The following GPHN variants were observed in gnomAD, a reference collection of about 807,000 sequenced individuals.
The protein encoded by GPHN is gephyrin.
Under a neutral mutation model 95.5 loss-of-function variants are expected in GPHN, and 17 were observed. The ratio of observed to expected loss-of-function variants is 0.18; its 90% confidence interval spans 0.12 to 0.27. The LOEUF is 0.27. GPHN is among the 10% of genes least tolerant of loss of function. The probability of loss-of-function intolerance (pLI) is 1.00; values close to 1 mark genes in which losing one functional copy is unlikely to be tolerated. For synonymous variants in GPHN, 320 were observed against 322.5 expected, an observed-to-expected ratio of 0.99 and a Z score of 0.08; for missense variants, 660 against 978.1, an observed-to-expected ratio of 0.67 and a Z score of 4.34.
chr14:66,935,447 A>ATG (rs1009304881), intron 8 of GPHN, among the ~76,000 whole-genome samples: 12 of 150,378 alleles, frequency 8.0e-5, no homozygotes, highest in South Asian at 2.1e-4. Flanking sequence ...TTATATATAT[A>ATG]TGTGTGTGTG....
chr14:66,911,051 A>G (rs2065651309), intron 5 of GPHN, among the ~76,000 whole-genome samples: 1 of 152,088 alleles, frequency 6.6e-6, no homozygotes, highest in Non-Finnish European at 1.5e-5. Context: ...AGCATGCTAA[A>G]ATGAAAATAT....
At chr14:67,022,515 A>AT (rs2073681865) in intron 9 of GPHN, among the ~76,000 whole-genome samples, 1 of 148,232 alleles carries the variant, frequency 6.7e-6, no homozygotes, top group Non-Finnish European at 1.5e-5. Flanking sequence ...CCAAAAGAGA[A>AT]TAACTAACAT....
the GPHN span, among the ~76,000 whole-genome samples, chr14:67,667,260 A>G: frequency 6.6e-6 from 1 of 152,220 alleles, no homozygotes; most frequent in South Asian, 2.1e-4. Flanking sequence ...AAGAATGCCT[A>G]ATCTTGGCCC....
chr14:67,501,699 C>A, the GPHN span, among the ~76,000 whole-genome samples: 1 of 152,200 alleles, frequency 6.6e-6, no homozygotes, highest in Non-Finnish European at 1.5e-5. Context: ...CCAAAGGCAT[C>A]TCTGTTGAGG....
At chr14:66,629,610 G>T (rs920842087) in intron 1 of GPHN, among the ~76,000 whole-genome samples, 7 of 152,050 alleles carry the variant, frequency 4.6e-5, no homozygotes, top group African/African-American at 1.7e-4. Flanking sequence ...ATTATCAAGT[G>T]TTATGTAGTG....
the GPHN span, among the ~76,000 whole-genome samples, chr14:67,442,455 G>A: frequency 4.5e-4 from 69 of 152,212 alleles, no homozygotes; most frequent in African/African-American, 1.5e-3. Context: ...TCTACCTAGC[G>A]GTCCAGAAGG....
intron 2 of GPHN, among the ~76,000 whole-genome samples, chr14:66,722,925 A>G (rs1179341259): frequency 6.6e-6 from 1 of 152,174 alleles, no homozygotes; most frequent in Non-Finnish European, 1.5e-5. Flanking sequence ...TGGCACAACC[A>G]GTCATTCTTA....
At chr14:67,294,983 T>C in the GPHN span, 1 of 152,112 alleles carries the variant, frequency 6.6e-6, no homozygotes, top group South Asian at 2.1e-4. Flanking sequence ...TAGGATATTA[T>C]AGTGCTTTTA....
rs1200800445 is a variant in GPHN at position 66,965,333 on chromosome 14, T to C, written c.963+8T>C. 1 of 1,612,820 alleles carries C rather than the reference T, an allele frequency of 6.2e-7. No individual in the cohort carries two copies. Among genetic ancestry groups the C allele is most frequent in the South Asian group, 1.1e-5 (1 of 91,056 alleles). On this transcript the variant is annotated splice_region_variant and intron_variant, in intron 9 of 22. Transcript: ENST00000478722. Reference sequence around the variant, plus strand: ...TCCTGCCCAACACCAAAAGTAAGTATGGTTCCTTCGCATCTTACACCTGCT... The same window carrying C: ...TCCTGCCCAACACCAAAAGTAAGTACGGTTCCTTCGCATCTTACACCTGCT...
the GPHN span, among the ~76,000 whole-genome samples, chr14:67,696,875 A>G: frequency 6.6e-6 from 1 of 152,204 alleles, no homozygotes; most frequent in Non-Finnish European, 1.5e-5. Context: ...ACGGGTTCCA[A>G]TGAACTAATA....
At chr14:67,568,327 A>C in the GPHN span, among the ~76,000 whole-genome samples, 1 of 151,310 alleles carries the variant, frequency 6.6e-6, no homozygotes, top group African/African-American at 2.4e-5. Context: ...CATTATCTTC[A>C]GCAAACTAAC....
At chr14:67,321,502 C>T in the GPHN span, among the ~76,000 whole-genome samples, 21 of 152,034 alleles carry the variant, frequency 1.4e-4, no homozygotes, top group Admixed American at 1.4e-3. Flanking sequence ...TGCTTGAGAC[C>T]AGAGTGTTTT....
the GPHN span, among the ~76,000 whole-genome samples, chr14:67,267,196 G>C: frequency 6.6e-6 from 1 of 152,156 alleles, no homozygotes; most frequent in African/African-American, 2.4e-5. Context: ...TGTATAATTT[G>C]AGGTTTTGTT....
chr14:67,596,295 A>ATT, the GPHN span, among the ~76,000 whole-genome samples: 645 of 60,208 alleles, frequency 0.011, 50 homozygotes, highest in African/African-American at 0.036. Flanking sequence ...CGCCCAGCTA[A>ATT]TTTTTTTTTT....
intron 9 of GPHN, among the ~76,000 whole-genome samples, chr14:66,974,169 T>C (rs77401952): frequency 0.015 from 2,300 of 152,288 alleles, 33 homozygotes; most frequent in Non-Finnish European, 0.018. Context: ...AGACAATTCC[T>C]TTACACCCTT....
At chr14:67,125,763 C>T (rs1222035614) in intron 17 of GPHN, among the ~76,000 whole-genome samples, 6 of 147,784 alleles carry the variant, frequency 4.1e-5, no homozygotes, top group Non-Finnish European at 8.9e-5. Context: ...GGTGACAGAG[C>T]GAGACTCTGT....
the GPHN span, chr14:67,574,098 TGAG>T: frequency 1.2e-5 from 9 of 725,644 alleles, no homozygotes; most frequent in East Asian, 2.7e-5. This position sits in a 1 kb window ranked among gnomAD's most constrained non-coding sequence, Gnocchi z 4.2. Context: ...GAGGAAAAGA[TGAG>T]GAGGAAAAGA....
the GPHN span, among the ~76,000 whole-genome samples, chr14:67,313,074 C>T: frequency 6.6e-6 from 1 of 152,070 alleles, no homozygotes; most frequent in African/African-American, 2.4e-5. Context: ...AGATGCATAA[C>T]TTTATAAGGA....
chr14:67,663,786 G>A, the GPHN span, among the ~76,000 whole-genome samples: 11 of 152,292 alleles, frequency 7.2e-5, no homozygotes, highest in African/African-American at 2.6e-4. Flanking sequence ...CATTTGTATG[G>A]GGGAAAGGCA....
Sources: allele counts gnomAD v4.1 joint callset (sites outside exome capture counted in the v4.1 genomes callset), GRCh38; gene constraint gnomAD v4.1.1; non-coding constraint Gnocchi (gnomAD v3.1); transcripts MANE v1.5; gene names NCBI Gene and HGNC (gene_info 2026-07-23, HGNC 2026-07-21).